B3GLCT: variants seen among roughly 807,000 people sequenced by gnomAD.
B3GLCT encodes beta-1,3-glucosyltransferase.
In B3GLCT, 65 loss-of-function variants were observed where a neutral mutation model predicts 63.4. The observed-to-expected ratio is 1.03, with a 90% CI of 0.84 to 1.26. The LOEUF (loss-of-function observed/expected upper bound fraction) is 1.26, where lower values mean the gene tolerates loss of function less well. B3GLCT is among the 50% of genes most tolerant of loss of function. The probability of loss-of-function intolerance (pLI) is 0.00; values close to 1 mark genes in which losing one functional copy is unlikely to be tolerated. For synonymous variants in B3GLCT, 233 were observed against 219.2 expected (o/e 1.06, Z -0.55); for missense variants, 577 against 604.8 (o/e 0.95, Z 0.48).
rs1174783357 is a variant in B3GLCT at position 31,200,150 on chromosome 13, C to T, written c.66C>T (p.Ser22=). 9 of 1,347,578 alleles carry T rather than the reference C, an allele frequency of 6.7e-6. No homozygotes were observed. Among genetic ancestry groups the T allele is most frequent in the Non-Finnish European group, 6.7e-6 (7 of 1,039,182 alleles). 83.5% of individuals were successfully genotyped at this position (1,347,578 alleles called of 1,614,324 possible). A position where few individuals can be genotyped will look rare whatever the true frequency, so the allele number is the denominator to read the frequency against. ...CGCTGCTCGCGCTCCTCACCTGCTC[C>T]CTGGGTAAGTAGCGGGCGGCCAGGC... ...PPALLALLTC[S]LAFGLASEDT... The change falls in exon 1 of 15, where the codon TCC becomes TCT. Residue 22 remains serine (S), a synonymous_variant. Transcript: ENST00000343307.
At chr13:31,232,560 A>G (rs972130411) in intron 4 of B3GLCT, among the ~76,000 whole-genome samples, 2 of 152,184 alleles carry the variant, frequency 1.3e-5, no homozygotes, top group African/African-American at 4.8e-5. Flanking sequence ...TCCAGGCCCT[A>G]CTTCCAACAT....
chr13:31,295,988 G>A (rs114497194), intron 12 of B3GLCT, among the ~76,000 whole-genome samples: 1 of 152,206 alleles, frequency 6.6e-6, no homozygotes. Flanking sequence ...TGAAGACCGT[G>A]GGACAAGTGT....
chr13:31,261,540 T>C (rs1446411753), intron 7 of B3GLCT, among the ~76,000 whole-genome samples: 1 of 152,180 alleles, frequency 6.6e-6, no homozygotes, highest in African/African-American at 2.4e-5. Flanking sequence ...GGACAGCTAG[T>C]GGAAGGTACT....
chr13:31,270,203 C>T (rs930659788), intron 8 of B3GLCT, among the ~76,000 whole-genome samples: 4 of 152,154 alleles, frequency 2.6e-5, no homozygotes, highest in Non-Finnish European at 4.4e-5. Context: ...CCTGACTGCA[C>T]AAAACAGTCT....
intron 1 of B3GLCT, among the ~76,000 whole-genome samples, chr13:31,207,968 C>T (rs1254354777): frequency 2.7e-4 from 41 of 152,210 alleles, no homozygotes; most frequent in Non-Finnish European, 1.3e-4. Context: ...CATGAACTCA[C>T]TTAATTCTTG....
At chr13:31,274,486 G>C (rs779522705) in intron 8 of B3GLCT, 23 bp from the exon 9 acceptor site, 5 of 1,613,990 alleles carry the variant, frequency 3.1e-6, no homozygotes, top group Admixed American at 3.3e-5. Flanking sequence ...TTTCATCACT[G>C]CCTGTCTCCT....
chr13:31,208,304 T>C (rs1300439892), intron 1 of B3GLCT, among the ~76,000 whole-genome samples: 1 of 152,162 alleles, frequency 6.6e-6, no homozygotes, highest in Non-Finnish European at 1.5e-5. Context: ...TTGTCTCCTT[T>C]GCAGTTTTGT....
At chr13:31,225,437 T>A (rs891618792) in intron 3 of B3GLCT, among the ~76,000 whole-genome samples, 2 of 152,236 alleles carry the variant, frequency 1.3e-5, no homozygotes, top group Admixed American at 6.5e-5. Flanking sequence ...TTAGGCTGTA[T>A]GTCAGAAAAT....
intron 3 of B3GLCT, among the ~76,000 whole-genome samples, chr13:31,228,185 C>G (rs569313135): frequency 1.4e-5 from 2 of 146,672 alleles, no homozygotes; most frequent in Non-Finnish European, 3.0e-5. Context: ...CAGGACTTCA[C>G]GCTAAAGCCC....
At chr13:31,308,199 G>T (rs1874477904) in intron 12 of B3GLCT, among the ~76,000 whole-genome samples, 1 of 46,450 alleles carries the variant, frequency 2.2e-5, no homozygotes, top group African/African-American at 6.6e-5. Context: ...GGGGGAGGGG[G>T]GAGGGATAGC....
At chr13:31,206,776 T>A (rs1479817466) in intron 1 of B3GLCT, among the ~76,000 whole-genome samples, 1 of 152,086 alleles carries the variant, frequency 6.6e-6, no homozygotes, top group African/African-American at 2.4e-5. Flanking sequence ...GTGGTTGTTT[T>A]GCCTTAAAGT....
chr13:31,268,251 A>G (rs886830554), intron 7 of B3GLCT, among the ~76,000 whole-genome samples: 1 of 152,152 alleles, frequency 6.6e-6, no homozygotes, highest in African/African-American at 2.4e-5. Context: ...AAAAAACCAT[A>G]TGGTATTTTG....
chr13:31,326,377 G>A (rs1593324499), intron 14 of B3GLCT, among the ~76,000 whole-genome samples: 1 of 137,356 alleles, frequency 7.3e-6, no homozygotes, highest in African/African-American at 2.7e-5. Context: ...TCTGCTTCCT[G>A]GGTTCAAGCG....
intron 4 of B3GLCT, among the ~76,000 whole-genome samples, chr13:31,243,331 T>C (rs1328697533): frequency 5.9e-5 from 9 of 152,220 alleles, no homozygotes; most frequent in Non-Finnish European, 1.3e-4. Context: ...AAATAGTCTG[T>C]TGACAAGGGA....
chr13:31,288,834 A>G (rs1321364896), intron 12 of B3GLCT, among the ~76,000 whole-genome samples: 1 of 152,150 alleles, frequency 6.6e-6, no homozygotes. Context: ...GAAACATGAA[A>G]AAGCAAGAAA....
intron 1 of B3GLCT, among the ~76,000 whole-genome samples, chr13:31,201,504 C>T (rs1868665478): frequency 6.6e-6 from 1 of 152,138 alleles, no homozygotes; most frequent in Non-Finnish European, 1.5e-5. Context: ...AAGGGCATTG[C>T]TGGGTGGCAG....
chr13:31,265,331 A>G (rs1872239520), intron 7 of B3GLCT, among the ~76,000 whole-genome samples: 1 of 152,162 alleles, frequency 6.6e-6, no homozygotes, highest in Non-Finnish European at 1.5e-5. Flanking sequence ...TCAAAACCAG[A>G]ATTTGTTTAG....
intron 3 of B3GLCT, among the ~76,000 whole-genome samples, chr13:31,224,480 G>C (rs374866608): frequency 1.1e-4 from 17 of 152,174 alleles, no homozygotes; most frequent in African/African-American, 4.1e-4. Context: ...AAAGACCCAG[G>C]GGACTTCTTT....
At chr13:31,248,877 C>G (rs2137808375) in intron 6 of B3GLCT, among the ~76,000 whole-genome samples, 1 of 152,272 alleles carries the variant, frequency 6.6e-6, no homozygotes, top group Middle Eastern at 3.4e-3. Flanking sequence ...GGGCTATGTT[C>G]AAAGGCTCGT....
Sources: allele counts gnomAD v4.1 joint callset (sites outside exome capture counted in the v4.1 genomes callset), GRCh38; gene constraint gnomAD v4.1.1; transcripts MANE v1.5; gene names NCBI Gene and HGNC (gene_info 2026-07-23, HGNC 2026-07-21).